CELF2: variants seen among roughly 807,000 people sequenced by gnomAD.
CELF2 encodes the protein CUGBP Elav-like family member 2.
A neutral mutation model predicts 62.6 loss-of-function variants in CELF2; 8 were observed. The observed-to-expected ratio is 0.13, with a 90% CI of 0.07 to 0.23. The LOEUF is 0.23. CELF2 is among the 10% of genes least tolerant of loss of function. The pLI, the probability that CELF2 is intolerant of heterozygous loss-of-function variation, is 1.00. For missense variants in CELF2, 333 were observed against 671.0 expected (o/e 0.50, Z 5.56); for synonymous variants, 258 against 250.0 (o/e 1.03, Z -0.30).
chr10:11,042,156 C>A (rs956847963), intron 1 of CELF2, among the ~76,000 whole-genome samples: 1 of 152,186 alleles, frequency 6.6e-6, no homozygotes, highest in Non-Finnish European at 1.5e-5. Flanking sequence ...TTGGTTTTCT[C>A]TTATGGTAGA....
intron 1 of CELF2, among the ~76,000 whole-genome samples, chr10:11,021,836 T>C (rs1172784605): frequency 1.3e-5 from 2 of 152,230 alleles, no homozygotes; most frequent in Non-Finnish European, 2.9e-5. Flanking sequence ...AAATCAAAAC[T>C]GTGCCATGTG....
the CELF2 span, among the ~76,000 whole-genome samples, chr10:10,608,947 G>A: frequency 6.6e-6 from 1 of 152,274 alleles, no homozygotes; most frequent in African/African-American, 2.4e-5. Flanking sequence ...CCAGAAATGG[G>A]GGCAGGGCAT....
chr10:10,599,048 G>A, the CELF2 span, among the ~76,000 whole-genome samples: 9 of 151,860 alleles, frequency 5.9e-5, no homozygotes, highest in East Asian at 3.9e-4. Flanking sequence ...CATCATGCCC[G>A]GCCAGGGCTG....
the CELF2 span, among the ~76,000 whole-genome samples, chr10:10,657,485 G>A: frequency 7.9e-5 from 12 of 152,198 alleles, no homozygotes; most frequent in Non-Finnish European, 1.5e-4. Flanking sequence ...TATATGGTAC[G>A]TGAATTGTAA....
At chr10:11,239,763 A>G (rs960282025) in intron 3 of CELF2, among the ~76,000 whole-genome samples, 1 of 152,040 alleles carries the variant, frequency 6.6e-6, no homozygotes, top group African/African-American at 2.4e-5. Flanking sequence ...GCAAATGGTG[A>G]TTGAAAGTTT....
the CELF2 span, among the ~76,000 whole-genome samples, chr10:10,763,274 A>C: frequency 2.0e-5 from 3 of 152,182 alleles, no homozygotes; most frequent in African/African-American, 7.2e-5. Context: ...CAGTTCCAAC[A>C]TTTGGCGGAA....
chr10:11,314,046 C>T lies in CELF2; in HGVS notation c.977-93C>T. ...AAGCCACAAGCACAGCTCCTCAGCT[C>T]CGTCCACTGAGATGATGACAGAAGG... On this transcript the variant is annotated intron_variant, in intron 9 of 12. Transcript: ENST00000633077. The surrounding 1 kb of genome is among the most constrained non-coding windows in gnomAD (Gnocchi z 5.3). 1 of 1,306,406 alleles carries T rather than the reference C, an allele frequency of 7.7e-7. No individual in the cohort carries two copies. The highest frequency in any genetic ancestry group is 1.1e-6 in the Non-Finnish European group (1 of 928,750). 80.9% of individuals were successfully genotyped at this position (1,306,406 alleles called of 1,614,324 possible). A position where few individuals can be genotyped will look rare whatever the true frequency, so the allele number is the denominator to read the frequency against.
In CELF2 at chr10:10,831,277, C is replaced by T. The variant is rs2057831832; in HGVS notation, c.53+32460C>T. On this transcript the variant is annotated intron_variant, in intron 1 of 13. Coordinates refer to the CELF2 transcript ENST00000636488. Reference sequence around the variant, plus strand: ...AGACACTTGAAGGTGACCCCAGATTCCCTGGTGTTTACTCCCTCAGGGTTG... The same window carrying T: ...AGACACTTGAAGGTGACCCCAGATTTCCTGGTGTTTACTCCCTCAGGGTTG... Among the ~76,000 whole-genome samples, 3 of 152,308 alleles carry T rather than the reference C, an allele frequency of 2.0e-5. No individual in the cohort carries two copies. In the South Asian group the frequency reaches 6.2e-4, roughly 32 times the overall value.
At chr10:11,189,858 T>C (rs1261876453) in intron 2 of CELF2, among the ~76,000 whole-genome samples, 1 of 152,222 alleles carries the variant, frequency 6.6e-6, no homozygotes, top group Non-Finnish European at 1.5e-5. Context: ...ACAGCCCAGA[T>C]TCCTTGGCCA....
At chr10:11,203,392 A>G (rs1389056660) in intron 2 of CELF2, among the ~76,000 whole-genome samples, 3 of 152,220 alleles carry the variant, frequency 2.0e-5, no homozygotes, top group African/African-American at 7.2e-5. Flanking sequence ...CATCACGTAC[A>G]AGGACCATGT....
chr10:10,816,918 C>T (rs2056511883), intron 1 of CELF2, among the ~76,000 whole-genome samples: 1 of 152,196 alleles, frequency 6.6e-6, no homozygotes, highest in Non-Finnish European at 1.5e-5. Context: ...ATATGCACTA[C>T]TCTGGCCCTT....
chr10:10,841,153 G>A lies in CELF2; in HGVS notation c.53+42336G>A, dbSNP rs188464997. On this transcript the variant is annotated intron_variant, in intron 1 of 13. Coordinates refer to the CELF2 transcript ENST00000636488. ...GTAAATAGTGCTGCAGTAAACATAC[G>A]TGTGCATGTGTCTTTATGGTAGAAT... is the stretch of plus-strand genomic sequence containing the variant. Among the ~76,000 whole-genome samples, 225 of 152,216 alleles carry A rather than the reference G, an allele frequency of 1.5e-3. 1 individual carries two copies. Among genetic ancestry groups the A allele is most frequent in the Non-Finnish European group, 2.2e-3 (153 of 68,010 alleles).
chr10:10,729,823 A>G, the CELF2 span, among the ~76,000 whole-genome samples: 1 of 152,148 alleles, frequency 6.6e-6, no homozygotes, highest in South Asian at 2.1e-4. Flanking sequence ...CCTAGCATGT[A>G]GCACTGTAAC....
intron 1 of CELF2, among the ~76,000 whole-genome samples, chr10:10,835,414 G>C (rs1233652060): frequency 1.4e-5 from 2 of 145,058 alleles, no homozygotes; most frequent in African/African-American, 5.1e-5. Flanking sequence ...ATGAAGTTTT[G>C]CTCTGTCACC....
rs1266874986 is a variant in CELF2 at position 11,089,325 on chromosome 10, G to GC, written c.74+71163dup. On this transcript the variant is annotated intron_variant, in intron 1 of 12. Coordinates refer to ENST00000633077, the MANE Select transcript of CELF2 (RefSeq NM_001326342.2). Reference sequence around the variant, plus strand: ...TTAACACTTGCTGAGTTTGAGGTGCGCATAGGATTTTGAAGGTGAAAAGGG... The same window carrying GC: ...TTAACACTTGCTGAGTTTGAGGTGCGCCATAGGATTTTGAAGGTGAAAAGGG... Among the ~76,000 whole-genome samples, 3 of 152,220 alleles carry GC rather than the reference G, an allele frequency of 2.0e-5. No individual in the cohort carries two copies. In the East Asian group the frequency reaches 5.8e-4, roughly 29 times the overall value.
chr10:10,690,157 T>C, the CELF2 span, among the ~76,000 whole-genome samples: 13 of 152,242 alleles, frequency 8.5e-5, no homozygotes, highest in South Asian at 6.2e-4. Flanking sequence ...TCTAAGACTA[T>C]ATAGGTTTCC....
rs1183106012 is a variant in CELF2 at position 11,207,584 on chromosome 10, G to A, written c.272-9841G>A. 6.6e-6 allele frequency among the ~76,000 whole-genome samples: 1 copy of A among 152,238 alleles called. No homozygotes were observed. The highest frequency in any genetic ancestry group is 1.5e-5 in the Non-Finnish European group (1 of 68,038). ...GAGCATCGCACGACTGCCTCAGGCG[G>A]CCAGAGGGCGGTGCGGGTCCCACGC... On this transcript the variant is annotated intron_variant, in intron 2 of 12. Transcript: ENST00000633077. This position sits in a 1 kb window ranked among gnomAD's most constrained non-coding sequence, Gnocchi z 4.1.
the CELF2 span, among the ~76,000 whole-genome samples, chr10:10,532,878 C>CA: frequency 3.5e-5 from 2 of 57,842 alleles, no homozygotes; most frequent in Non-Finnish European, 7.0e-5. Context: ...CTCAAAGAGA[C>CA]AAAATCTCAA....
At chr10:10,766,060 C>G in the CELF2 span, among the ~76,000 whole-genome samples, 1 of 152,144 alleles carries the variant, frequency 6.6e-6, no homozygotes, top group Non-Finnish European at 1.5e-5. Context: ...ACCAAGTGCT[C>G]CTATGTAAGT....
Sources: allele counts gnomAD v4.1 joint callset (sites outside exome capture counted in the v4.1 genomes callset), GRCh38; gene constraint gnomAD v4.1.1; non-coding constraint Gnocchi (gnomAD v3.1); transcripts MANE v1.5; gene names NCBI Gene and HGNC (gene_info 2026-07-23, HGNC 2026-07-21).